Variants in UCHL3 observed in about 807,000 individuals in gnomAD.
The protein encoded by UCHL3 is ubiquitin C-terminal hydrolase L3.
Under a neutral mutation model 35.8 loss-of-function variants are expected in UCHL3, and 22 were observed. That is an observed-to-expected ratio of 0.61 (90% CI 0.44 to 0.88). UCHL3 has a LOEUF of 0.88. Among genes scored for constraint, UCHL3 ranks in the 40% least tolerant of loss-of-function variants. The pLI, the probability that UCHL3 is intolerant of heterozygous loss-of-function variation, is 0.00. For synonymous variants in UCHL3, 90 were observed against 92.8 expected (o/e 0.97, Z 0.17); for missense variants, 229 against 276.9 (o/e 0.83, Z 1.23).
In UCHL3 at chr13:75,605,911, G is replaced by A; in HGVS notation, c.*99G>A. ...ATTTTGATATTTTCATTAACTTGAT[G>A]ATTAAACTTTATGTGAGTTAAACTT... On this transcript the variant is annotated 3_prime_UTR_variant, in exon 9 of 9. Coordinates refer to ENST00000377595, the MANE Select transcript of UCHL3 (RefSeq NM_006002.5). 8.4e-7 allele frequency: 1 copy of A among 1,187,754 alleles called. No individual in the cohort carries two copies. Among genetic ancestry groups the A allele is most frequent in the Non-Finnish European group, 1.2e-6 (1 of 819,772 alleles). The allele number at this position is 1,187,754 out of a possible 1,614,324, so 73.6% of individuals were successfully genotyped here. A position where few individuals can be genotyped will look rare whatever the true frequency, so the allele number is the denominator to read the frequency against.
chr13:75,566,815 C>A lies in UCHL3; in HGVS notation c.304C>A (p.His102Asn). 1 of 1,603,582 alleles carries A rather than the reference C, an allele frequency of 6.2e-7. No homozygotes were observed. The highest frequency in any genetic ancestry group is 1.3e-5 in the African/African-American group (1 of 74,430). Reference sequence around the variant, plus strand: ...TGCCTGTGGAACAATTGGACTGATTCATGCTATTGCAAACAATAAAGACAA... The same window carrying A: ...TGCCTGTGGAACAATTGGACTGATTAATGCTATTGCAAACAATAAAGACAA... ...SNACGTIGLI[H>N]AIANNKDKMH... Residue 102 changes from histidine (H) to asparagine (N), a missense_variant, in exon 4 of 9, where the codon CAT becomes AAT. By Grantham distance (68) the His-to-Asn change is moderately conservative. Transcript: ENST00000377595.
At chr13:75,549,565 T>A, upstream of UCHL3, 1 of 457,510 alleles carries the variant, frequency 2.2e-6, no homozygotes, top group Non-Finnish European at 3.8e-6. Context: ...ATTCAGATAC[T>A]GTTTTTCTCC....
intron 2 of UCHL3, among the ~76,000 whole-genome samples, chr13:75,556,401 T>G (rs1256260415): frequency 6.6e-6 from 1 of 152,244 alleles, no homozygotes; most frequent in Non-Finnish European, 1.5e-5. Flanking sequence ...CTGGCAGTAA[T>G]ATCAAGTAAT....
intron 6 of UCHL3, among the ~76,000 whole-genome samples, chr13:75,570,939 T>C (rs749694280): frequency 7.9e-5 from 12 of 152,150 alleles, no homozygotes; most frequent in Non-Finnish European, 1.6e-4. Flanking sequence ...TATTGGTTGC[T>C]CTAGGCGCTG....
chr13:75,558,913 G>T (rs2031384365), intron 2 of UCHL3, among the ~76,000 whole-genome samples: 1 of 152,026 alleles, frequency 6.6e-6, no homozygotes, highest in South Asian at 2.1e-4. Flanking sequence ...TAGGAAGCTT[G>T]CAGGAAGTGG....
chr13:75,601,865 T>C (rs2138589399), intron 7 of UCHL3, among the ~76,000 whole-genome samples: 1 of 152,242 alleles, frequency 6.6e-6, no homozygotes, highest in South Asian at 2.1e-4. Flanking sequence ...ATCCCAGCAC[T>C]TTGGGAGGCC....
At chr13:75,588,718 A>G (rs2032395954) in intron 6 of UCHL3, among the ~76,000 whole-genome samples, 1 of 152,158 alleles carries the variant, frequency 6.6e-6, no homozygotes, top group Admixed American at 6.5e-5. Flanking sequence ...TCGGAAAGTA[A>G]AACTCATGTT....
intron 2 of UCHL3, among the ~76,000 whole-genome samples, chr13:75,557,274 G>A (rs1566208688): frequency 6.6e-6 from 1 of 151,860 alleles, no homozygotes; most frequent in South Asian, 2.1e-4. Flanking sequence ...AGGTGAAGTG[G>A]GTACTGCTCC....
At chr13:75,596,186 A>G (rs906428405) in intron 7 of UCHL3, among the ~76,000 whole-genome samples, 3 of 152,250 alleles carry the variant, frequency 2.0e-5, no homozygotes, top group Admixed American at 2.0e-4. Flanking sequence ...CGCATACTTT[A>G]TTAAAAAGAA....
At chr13:75,579,497 T>G (rs1351041887) in intron 6 of UCHL3, among the ~76,000 whole-genome samples, 4 of 152,082 alleles carry the variant, frequency 2.6e-5, no homozygotes, top group Non-Finnish European at 5.9e-5. Flanking sequence ...TTCTGAACAT[T>G]GCTTGAATAG....
intron 3 of UCHL3, among the ~76,000 whole-genome samples, 175 bp downstream of exon 3, chr13:75,561,056 G>A (rs545026212): frequency 1.3e-5 from 2 of 152,124 alleles, no homozygotes; most frequent in East Asian, 3.9e-4. Context: ...TTAGCCTTTC[G>A]AGTAGCTGGG....
At chr13:75,564,460 A>G (rs1019611853) in intron 3 of UCHL3, among the ~76,000 whole-genome samples, 3 of 151,886 alleles carry the variant, frequency 2.0e-5, no homozygotes, top group Non-Finnish European at 4.4e-5. Context: ...TAAAGTGCAG[A>G]TATCTTTACA....
At chr13:75,594,884 A>G in intron 6 of UCHL3, 31 bp from the exon 7 acceptor site, 1 of 1,544,290 alleles carries the variant, frequency 6.5e-7, no homozygotes, top group Non-Finnish European at 8.9e-7. Context: ...CTACTAATGT[A>G]TATAATACCT....
At chr13:75,583,097 T>G (rs771129078) in intron 6 of UCHL3, among the ~76,000 whole-genome samples, 2 of 152,232 alleles carry the variant, frequency 1.3e-5, no homozygotes, top group South Asian at 4.1e-4. Context: ...TTTAGAATTA[T>G]TGATTCTAAT....
intron 6 of UCHL3, among the ~76,000 whole-genome samples, chr13:75,577,331 T>C (rs1452208076): frequency 6.6e-6 from 1 of 152,230 alleles, no homozygotes; most frequent in Non-Finnish European, 1.5e-5. Context: ...GTCATTATTC[T>C]CTAAACAATA....
At chr13:75,599,658 C>G (rs2032729131) in intron 7 of UCHL3, among the ~76,000 whole-genome samples, 1 of 152,182 alleles carries the variant, frequency 6.6e-6, no homozygotes, top group Non-Finnish European at 1.5e-5. Flanking sequence ...TGCTGGCAAA[C>G]TTAATTGATT....
intron 6 of UCHL3, among the ~76,000 whole-genome samples, chr13:75,583,137 A>G (rs2138536883): frequency 6.6e-6 from 1 of 152,210 alleles, no homozygotes; most frequent in East Asian, 1.9e-4. Context: ...CTTGTTAGAA[A>G]CAATCTTTAG....
At chr13:75,583,979 C>G (rs2032255410) in intron 6 of UCHL3, among the ~76,000 whole-genome samples, 1 of 152,160 alleles carries the variant, frequency 6.6e-6, no homozygotes, top group African/African-American at 2.4e-5. Flanking sequence ...GGGAGAGAAT[C>G]TTTAAGTGCA....
intron 3 of UCHL3, among the ~76,000 whole-genome samples, chr13:75,563,215 G>A (rs555399105): frequency 1.3e-5 from 2 of 152,010 alleles, no homozygotes; most frequent in African/African-American, 2.4e-5. Flanking sequence ...TCACTCTGTC[G>A]CCCAATCTGG....
Sources: allele counts gnomAD v4.1 joint callset (sites outside exome capture counted in the v4.1 genomes callset), GRCh38; gene constraint gnomAD v4.1.1; transcripts MANE v1.5; gene names NCBI Gene and HGNC (gene_info 2026-07-23, HGNC 2026-07-21).